OVOL2: variants seen among roughly 807,000 people sequenced by gnomAD.
The protein encoded by OVOL2 is transcription factor Ovo-like 2.
A neutral mutation model predicts 18.1 loss-of-function variants in OVOL2; 13 were observed. The observed-to-expected ratio is 0.72, with a 90% CI of 0.47 to 1.14. OVOL2 has a LOEUF of 1.14. OVOL2 is among the 50% of genes most tolerant of loss of function. OVOL2 has a pLI of 0.00. For missense variants in OVOL2, 335 were observed against 383.0 expected (o/e 0.87, Z 1.05); for synonymous variants, 166 against 162.7 (o/e 1.02, Z -0.16).
chr20:18,054,441 T>C (rs1219365117), intron 2 of OVOL2, among the ~76,000 whole-genome samples: 1 of 152,196 alleles, frequency 6.6e-6, no homozygotes, highest in Non-Finnish European at 1.5e-5. Flanking sequence ...GGGAGCCCAC[T>C]GCCTAAGAAA....
At chr20:18,053,226 C>T (rs2036785573) in intron 2 of OVOL2, among the ~76,000 whole-genome samples, 1 of 152,206 alleles carries the variant, frequency 6.6e-6, no homozygotes, top group African/African-American at 2.4e-5. Flanking sequence ...TGCTGTATGT[C>T]ACTGTCAGCT....
rs2036833498 is a variant in OVOL2 at position 18,056,884 on chromosome 20, A to AG, written c.101-8dup. 1 of 1,478,792 alleles carries AG rather than the reference A, an allele frequency of 6.8e-7. No individual in the cohort carries two copies. The highest frequency in any genetic ancestry group is 1.5e-5 in the African/African-American group (1 of 68,180). 91.6% of individuals were successfully genotyped at this position (1,478,792 alleles called of 1,614,324 possible). A position where few individuals can be genotyped will look rare whatever the true frequency, so the allele number is the denominator to read the frequency against. Reference sequence around the variant, plus strand: ...AGCAGGCGGCCTAGGCCCACTGTGGAGGGAGGGGCCGCGCCCCGACACACA... The same window carrying AG: ...AGCAGGCGGCCTAGGCCCACTGTGGAGGGGAGGGGCCGCGCCCCGACACACA... On this transcript the variant is annotated splice_polypyrimidine_tract_variant and splice_region_variant and intron_variant, in intron 1 of 3. Transcript: ENST00000278780. This position sits in a 1 kb window ranked among gnomAD's most constrained non-coding sequence, Gnocchi z 4.2.
chr20:18,054,781 AAGAAAGAAAAG>A (rs1568641024), intron 2 of OVOL2, among the ~76,000 whole-genome samples: 2 of 136,206 alleles, frequency 1.5e-5, no homozygotes, highest in African/African-American at 2.8e-5. Flanking sequence ...AAAAAAAAAA[AAGAAAGAAAAG>A]AAAAGAAAAG....
chr20:18,043,591 A>G (rs1471681625), intron 2 of OVOL2, among the ~76,000 whole-genome samples: 1 of 152,122 alleles, frequency 6.6e-6, no homozygotes, highest in African/African-American at 2.4e-5. Context: ...AACACTACCC[A>G]GAGTAGAACT....
At chr20:18,054,009 C>A (rs915925256) in intron 2 of OVOL2, among the ~76,000 whole-genome samples, 1 of 152,166 alleles carries the variant, frequency 6.6e-6, no homozygotes. Context: ...AGGACACTTT[C>A]CCCACTCAAA....
Position 18,051,045 on chromosome 20 carries a change from C to T in OVOL2, c.321+5612G>A, listed in dbSNP as rs748634338. Among the ~76,000 whole-genome samples, 39 of 152,176 alleles carry T rather than the reference C, an allele frequency of 2.6e-4. No homozygotes were observed. The Middle Eastern group carries it at 0.01, about 40-fold the overall frequency. On this transcript the variant is annotated intron_variant, in intron 2 of 3. Coordinates refer to ENST00000278780, the MANE Select transcript of OVOL2 (RefSeq NM_021220.4). ...TATCAAATGAATTGGTTTTTAAAAACGGCTTGAATCCATAATTCACAACAA... is the reference window on the plus strand; with the variant it reads ...TATCAAATGAATTGGTTTTTAAAAATGGCTTGAATCCATAATTCACAACAA...
chr20:18,057,580 A>G lies in OVOL2; in HGVS notation c.55T>C (p.Trp19Arg). 1 of 1,596,880 alleles carries G rather than the reference A, an allele frequency of 6.3e-7. No individual in the cohort carries two copies. Reference sequence around the variant, plus strand: ...CTTTTCTCATCCGGGAGCTCATCCCAGCTGCGGACCGAGACCCCCAGGCTC... The same window carrying G: ...CTTTTCTCATCCGGGAGCTCATCCCGGCTGCGGACCGAGACCCCCAGGCTC... ...RRSLGVSVRS[W>R]DELPDEKRAD... The change falls in exon 1 of 4, where the codon TGG (tryptophan) becomes CGG (arginine). Residue 19 changes from tryptophan (W) to arginine (R), a missense_variant. Coordinates refer to ENST00000278780, the MANE Select transcript of OVOL2 (RefSeq NM_021220.4). This position sits in a 1 kb window ranked among gnomAD's most constrained non-coding sequence, Gnocchi z 6.3.
chr20:18,050,091 T>G (rs1403662550), intron 2 of OVOL2, among the ~76,000 whole-genome samples: 2 of 152,186 alleles, frequency 1.3e-5, no homozygotes, highest in Non-Finnish European at 2.9e-5. Flanking sequence ...ATACATGCTT[T>G]AAAGGTTCCT....
intron 2 of OVOL2, among the ~76,000 whole-genome samples, chr20:18,044,307 C>T (rs1361381975): frequency 6.6e-6 from 1 of 152,208 alleles, no homozygotes; most frequent in Non-Finnish European, 1.5e-5. Flanking sequence ...TCACTATGCA[C>T]ACAGTTCATC....
intron 3 of OVOL2, among the ~76,000 whole-genome samples, chr20:18,029,997 A>C (rs1048322837): frequency 1.1e-4 from 16 of 152,094 alleles, no homozygotes; most frequent in African/African-American, 3.9e-4. Flanking sequence ...GAAAACAAAC[A>C]AACCAACCCT....
chr20:18,041,240 T>C (rs1226132983), intron 3 of OVOL2, among the ~76,000 whole-genome samples: 1 of 152,030 alleles, frequency 6.6e-6, no homozygotes, highest in Non-Finnish European at 1.5e-5. Context: ...CTTGGCTCAC[T>C]GCAACCTCCG....
intron 2 of OVOL2, among the ~76,000 whole-genome samples, chr20:18,050,292 G>A (rs1056755882): frequency 6.6e-6 from 1 of 152,126 alleles, no homozygotes; most frequent in East Asian, 1.9e-4. Flanking sequence ...AGTTAACTGG[G>A]CAGAGGCAGG....
At chr20:18,046,153 G>A (rs568137423) in intron 2 of OVOL2, among the ~76,000 whole-genome samples, 48 of 152,284 alleles carry the variant, frequency 3.2e-4, no homozygotes, top group African/African-American at 1.1e-3. Flanking sequence ...GACAAAGCTA[G>A]CTTCTGCCAG....
intron 3 of OVOL2, 146 bp from the exon 4 acceptor site, chr20:18,025,098 C>CA (rs944899606): frequency 6.4e-6 from 6 of 938,448 alleles, no homozygotes; most frequent in African/African-American, 3.3e-5. Flanking sequence ...AAACTGTCTA[C>CA]AAAAAATCAT....
Position 18,056,988 on chromosome 20 carries a change from C to A in OVOL2, c.101-111G>T. The A allele has an allele frequency of 7.8e-7, 1 of 1,277,828 alleles. No individual in the cohort carries two copies. Among genetic ancestry groups the A allele is most frequent in the Non-Finnish European group, 1.0e-6 (1 of 988,714 alleles). 79.2% of individuals were successfully genotyped at this position (1,277,828 alleles called of 1,614,324 possible). On this transcript the variant is annotated intron_variant, in intron 1 of 3. Coordinates refer to ENST00000278780, the MANE Select transcript of OVOL2 (RefSeq NM_021220.4). This position sits in a 1 kb window ranked among gnomAD's most constrained non-coding sequence, Gnocchi z 4.2. ...CGCCGCCCCGCCCCGGACCTGGGCA[C>A]CTCGCCAAGTGGGCAACGTCGCGGG... is the stretch of plus-strand genomic sequence containing the variant.
At chr20:18,058,247 A>G (rs1280748907), upstream of OVOL2, among the ~76,000 whole-genome samples, 1 of 152,002 alleles carries the variant, frequency 6.6e-6, no homozygotes, top group East Asian at 1.9e-4. Context: ...GACGAGCCAG[A>G]AAATGGCTCA....
In OVOL2 at chr20:18,057,902, G is replaced by A. The variant is rs565184697; in HGVS notation, c.-268C>T. Reference sequence around the variant, plus strand: ...AAGTTTCATAAGGTGGAATAGAAAAGGCACCAGGAAACTTGGGACTGAGCA... The same window carrying A: ...AAGTTTCATAAGGTGGAATAGAAAAAGCACCAGGAAACTTGGGACTGAGCA... On this transcript the variant is annotated 5_prime_UTR_variant, in exon 1 of 4. Coordinates refer to ENST00000278780, the MANE Select transcript of OVOL2 (RefSeq NM_021220.4). The surrounding 1 kb of genome is among the most constrained non-coding windows in gnomAD (Gnocchi z 6.3). 2 of 1,305,682 alleles carry A rather than the reference G, an allele frequency of 1.5e-6. No homozygotes were observed. Among genetic ancestry groups the A allele is most frequent in the African/African-American group, 1.6e-5 (1 of 64,086 alleles). The allele number at this position is 1,305,682 out of a possible 1,614,324, so 80.9% of individuals were successfully genotyped here. A position where few individuals can be genotyped will look rare whatever the true frequency, so the allele number is the denominator to read the frequency against.
rs972361938 is a variant in OVOL2, at chr20:18,056,934, G to C, written c.101-57C>G. 9.2e-6 allele frequency: 13 copies of C among 1,419,948 alleles called. No individual in the cohort carries two copies. Among genetic ancestry groups the C allele is most frequent in the African/African-American group, 1.5e-5 (1 of 66,468 alleles). The allele number at this position is 1,419,948 out of a possible 1,614,324, so 88.0% of individuals were successfully genotyped here. ...ACACTCGGCGTCAACCCGCACGCCCGCGGCAGTTTGACCTGCGGGCGGTGC... is the reference window on the plus strand; with the variant it reads ...ACACTCGGCGTCAACCCGCACGCCCCCGGCAGTTTGACCTGCGGGCGGTGC... On this transcript the variant is annotated intron_variant, in intron 1 of 3. Coordinates refer to ENST00000278780, the MANE Select transcript of OVOL2 (RefSeq NM_021220.4). This position sits in a 1 kb window ranked among gnomAD's most constrained non-coding sequence, Gnocchi z 4.2.
intron 3 of OVOL2, among the ~76,000 whole-genome samples, chr20:18,040,453 G>A (rs2036658322): frequency 6.6e-6 from 1 of 152,158 alleles, no homozygotes; most frequent in Admixed American, 6.6e-5. Flanking sequence ...GCCTTTACAC[G>A]AAGCCCATCA....
Sources: allele counts gnomAD v4.1 joint callset (sites outside exome capture counted in the v4.1 genomes callset), GRCh38; gene constraint gnomAD v4.1.1; non-coding constraint Gnocchi (gnomAD v3.1); transcripts MANE v1.5; gene names NCBI Gene and HGNC (gene_info 2026-07-23, HGNC 2026-07-21).